The following CCNH variants were observed in gnomAD, a reference collection of about 807,000 sequenced individuals.
CCNH encodes the protein cyclin-H.
Under a neutral mutation model 41.9 loss-of-function variants are expected in CCNH, and 31 were observed. The ratio of observed to expected loss-of-function variants is 0.74; its 90% CI spans 0.56 to 1.00. The LOEUF (loss-of-function observed/expected upper bound fraction) is 1.00. CCNH is among the 50% of genes least tolerant of loss of function. The pLI is 0.00. For missense variants in CCNH, 362 were observed against 388.4 expected (o/e 0.93, Z 0.57); for synonymous variants, 138 against 136.1 (o/e 1.01, Z -0.10).
rs1764389691 is a variant in CCNH, at chr5:87,412,906, T to A, written c.-112A>T. 2.7e-6 allele frequency: 4 copies of A among 1,491,098 alleles called. No individual in the cohort carries two copies. Among genetic ancestry groups the A allele is most frequent in the Admixed American group, 2.2e-5 (1 of 44,472 alleles). 92.4% of individuals were successfully genotyped at this position (1,491,098 alleles called of 1,614,324 possible). On this transcript the variant is annotated 5_prime_UTR_variant, in exon 1 of 9. Coordinates refer to ENST00000256897, the MANE Select transcript of CCNH (RefSeq NM_001239.4). ...GAAGATCTCGCGGAAGCCTAGGGCG[T>A]CCGGCTAGCCGGCGCTGGCGCGCTG...
chr5:87,406,463 T>A (rs1763798421), intron 4 of CCNH, among the ~76,000 whole-genome samples: 1 of 152,158 alleles, frequency 6.6e-6, no homozygotes, highest in Non-Finnish European at 1.5e-5. Context: ...GTTCTATTGA[T>A]TCTACCTAAC....
intron 9 of CCNH, among the ~76,000 whole-genome samples, chr5:87,350,584 A>G (rs924769145): frequency 1.3e-5 from 2 of 151,764 alleles, no homozygotes; most frequent in South Asian, 4.1e-4. Context: ...CTTCCTACAT[A>G]CTGGAGGAAG....
chr5:87,336,033 A>G (rs1184723332), intron 9 of CCNH, among the ~76,000 whole-genome samples: 6 of 152,200 alleles, frequency 3.9e-5, no homozygotes, highest in Non-Finnish European at 7.3e-5. Context: ...CCTTTTCACA[A>G]CTACATTCTT....
At chr5:87,360,208 C>G (rs191196638) in intron 9 of CCNH, among the ~76,000 whole-genome samples, 282 of 150,026 alleles carry the variant, frequency 1.9e-3, no homozygotes, top group Non-Finnish European at 2.4e-3. Flanking sequence ...CTCACTGCAA[C>G]CTCCGCCTCC....
At chr5:87,379,174 G>T (rs886758921), upstream of CCNH, among the ~76,000 whole-genome samples, 1 of 152,118 alleles carries the variant, frequency 6.6e-6, no homozygotes, top group Admixed American at 6.6e-5. Flanking sequence ...CGAAGGTGTC[G>T]ATTCATACTA....
At chr5:87,341,310 T>C in intron 9 of CCNH, 1 of 1,355,354 alleles carries the variant, frequency 7.4e-7, no homozygotes, top group Non-Finnish European at 9.6e-7. Context: ...AAGATCCACA[T>C]GAAGGAAAAA....
At position 87,412,761 on chromosome 5, in the gene CCNH, T is replaced by C. The variant is rs756919605; in HGVS notation, c.34A>G (p.Thr12Ala). ...YHNSSQKRHW[T>A]FSSEEQLARL... The stretch of plus-strand genomic sequence containing the variant: ...GCCAGCTGCTCCTCGCTGGAGAAGG[T>C]CCAGTGCCGCTTCTGACTACTGTTG... The change falls in exon 1 of 9, where the codon ACC becomes GCC. Residue 12 changes from threonine (T) to alanine (A), a missense_variant. By Grantham distance (58) the Thr-to-Ala change is moderately conservative. Coordinates refer to ENST00000256897, the MANE Select transcript of CCNH (RefSeq NM_001239.4). 7 of 1,614,052 alleles carry C rather than the reference T, an allele frequency of 4.3e-6. No homozygotes were observed. The highest frequency in any genetic ancestry group is 3.3e-5 in the Admixed American group (2 of 60,008).
At chr5:87,353,917 T>C (rs888302860) in intron 9 of CCNH, among the ~76,000 whole-genome samples, 2 of 152,148 alleles carry the variant, frequency 1.3e-5, no homozygotes, top group African/African-American at 2.4e-5. Context: ...GGAAATGGTA[T>C]AACAGGGGTT....
intron 9 of CCNH, among the ~76,000 whole-genome samples, chr5:87,356,374 ATGAT>A (rs1215532208): frequency 6.6e-6 from 1 of 151,210 alleles, no homozygotes; most frequent in African/African-American, 2.5e-5. Context: ...GACGTCCTAG[ATGAT>A]TGTTATTTTT....
chr5:87,399,595 G>A, intron 6 of CCNH, 90 bp from the exon 7 acceptor site: 1 of 773,710 alleles, frequency 1.3e-6, no homozygotes, highest in Admixed American at 2.0e-5. Context: ...TTTGTCATAG[G>A]AAACAACACT....
At chr5:87,365,439 C>T (rs1760442533) in intron 9 of CCNH, among the ~76,000 whole-genome samples, 1 of 152,094 alleles carries the variant, frequency 6.6e-6, no homozygotes, top group Non-Finnish European at 1.5e-5. Flanking sequence ...ACTTTATTCA[C>T]AGCTTCATTA....
intron 9 of CCNH, among the ~76,000 whole-genome samples, chr5:87,349,613 G>A (rs1472784638): frequency 1.3e-5 from 2 of 151,778 alleles, no homozygotes; most frequent in Non-Finnish European, 2.9e-5. Flanking sequence ...GACATAAGCT[G>A]TTTGCAACAA....
At chr5:87,326,862 C>T (rs1229193788) in intron 9 of CCNH, among the ~76,000 whole-genome samples, 1 of 151,982 alleles carries the variant, frequency 6.6e-6, no homozygotes, top group Non-Finnish European at 1.5e-5. Flanking sequence ...AAATTAATGC[C>T]TTAGTAGAAA....
At chr5:87,352,113 T>G (rs1357291235) in intron 9 of CCNH, among the ~76,000 whole-genome samples, 1 of 151,790 alleles carries the variant, frequency 6.6e-6, no homozygotes, top group Non-Finnish European at 1.5e-5. Context: ...TGCTTGTTCT[T>G]TTAATAATGC....
chr5:87,347,147 A>C (rs1327936546), intron 9 of CCNH, among the ~76,000 whole-genome samples: 3 of 151,968 alleles, frequency 2.0e-5, no homozygotes, highest in Non-Finnish European at 4.4e-5. Flanking sequence ...ATGGATTTAA[A>C]CTTTTCATTA....
intron 5 of CCNH, 43 bp downstream of exon 5, chr5:87,404,801 C>G: frequency 7.0e-7 from 1 of 1,429,778 alleles, no homozygotes; most frequent in Non-Finnish European, 9.6e-7. Flanking sequence ...AATAAATAAA[C>G]CCAGTGACTG....
chr5:87,412,870 G>A lies in CCNH; in HGVS notation c.-76C>T. The A allele has an allele frequency of 1.3e-6, 2 of 1,566,068 alleles. No individual in the cohort carries two copies. Among genetic ancestry groups the A allele is most frequent in the South Asian group, 1.1e-5 (1 of 88,482 alleles). ...ATCAGCGTCCTGGCGTAAAACACCC[G>A]TACCCCCACCGAAGATCTCGCGGAA... On this transcript the variant is annotated 5_prime_UTR_variant, in exon 1 of 9. It adds an upstream start codon to the 5' untranslated region. Transcript: ENST00000256897.
chr5:87,388,995 T>C (rs1323342965), downstream of CCNH, among the ~76,000 whole-genome samples: 2 of 152,186 alleles, frequency 1.3e-5, no homozygotes, highest in Non-Finnish European at 2.9e-5. Context: ...AAATGGAATC[T>C]GGCTTTCATG....
intron 9 of CCNH, chr5:87,362,720 T>TA (rs1436437298): frequency 1.3e-6 from 2 of 1,572,924 alleles, no homozygotes; most frequent in Non-Finnish European, 1.7e-6. Flanking sequence ...ACGTTGTAAA[T>TA]ATGGAGCTCC....
Sources: gnomAD v4.1 joint callset for allele counts (sites outside exome capture counted in the v4.1 genomes callset) on GRCh38, gnomAD v4.1.1 for gene constraint, MANE v1.5 for transcripts, NCBI Gene and HGNC (gene_info 2026-07-23, HGNC 2026-07-21) for gene names.